Variants in FAF1 observed in about 807,000 individuals in gnomAD.
FAF1 encodes the protein Fas associated factor 1, also known as FAS-associated factor 1.
A neutral mutation model predicts 92.5 loss-of-function variants in FAF1; 25 were observed. The observed-to-expected ratio is 0.27, with a 90% CI of 0.20 to 0.38. FAF1 has a LOEUF of 0.38. Ranked by LOEUF, FAF1 falls within the 10% of genes least tolerant of loss-of-function variation. The probability of loss-of-function intolerance (pLI) is 1.00; values close to 1 mark genes in which losing one functional copy is unlikely to be tolerated. For missense variants in FAF1, 636 were observed against 793.3 expected (o/e 0.80, Z 2.38); for synonymous variants, 234 against 273.2 (o/e 0.86, Z 1.42).
chr1:50,871,370 T>C (rs1644526905), intron 1 of FAF1, among the ~76,000 whole-genome samples: 1 of 152,258 alleles, frequency 6.6e-6, no homozygotes, highest in Admixed American at 6.5e-5. Flanking sequence ...AACAGCCTTC[T>C]ATTGGAAGAA....
chr1:50,460,601 A>G (rs544065367), intron 18 of FAF1, among the ~76,000 whole-genome samples: 98 of 149,608 alleles, frequency 6.6e-4, no homozygotes, highest in South Asian at 1.9e-3. Context: ...ATGTATATAT[A>G]TGTGTGTGTG....
chr1:50,852,189 T>C (rs904869948), intron 2 of FAF1, among the ~76,000 whole-genome samples: 3 of 152,238 alleles, frequency 2.0e-5, no homozygotes, highest in Admixed American at 6.5e-5. Flanking sequence ...ACTAGTTAGA[T>C]ATCAAAACTA....
At chr1:50,694,389 T>A (rs940301612) in intron 7 of FAF1, among the ~76,000 whole-genome samples, 1 of 152,070 alleles carries the variant, frequency 6.6e-6, no homozygotes, top group African/African-American at 2.4e-5. Context: ...TTCAGCTACA[T>A]AACCTGTAAC....
At chr1:50,808,956 G>GCA (rs1333521099) in intron 2 of FAF1, among the ~76,000 whole-genome samples, 1 of 152,122 alleles carries the variant, frequency 6.6e-6, no homozygotes, top group Non-Finnish European at 1.5e-5. Context: ...AAATATATAT[G>GCA]CACCAAACAC....
chr1:50,758,228 A>G (rs993863089), intron 4 of FAF1, among the ~76,000 whole-genome samples: 1 of 152,104 alleles, frequency 6.6e-6, no homozygotes, highest in African/African-American at 2.4e-5. Context: ...TAACTTTTGT[A>G]TTTTTAGTAG....
intron 1 of FAF1, among the ~76,000 whole-genome samples, chr1:50,887,077 T>C (rs1644672104): frequency 6.6e-6 from 1 of 152,238 alleles, no homozygotes; most frequent in African/African-American, 2.4e-5. Flanking sequence ...CCATTCTAAC[T>C]GGTGTGAGAT....
intron 1 of FAF1, among the ~76,000 whole-genome samples, chr1:50,874,424 T>G (rs1644553113): frequency 6.6e-6 from 1 of 152,056 alleles, no homozygotes; most frequent in African/African-American, 2.4e-5. Flanking sequence ...TATAGTAGTG[T>G]GATCACAGCT....
intron 1 of FAF1, among the ~76,000 whole-genome samples, chr1:50,931,483 C>T (rs192395925): frequency 3.9e-5 from 6 of 152,160 alleles, no homozygotes; most frequent in African/African-American, 1.4e-4. Context: ...GCACTTCTTA[C>T]ATGGTGGCAG....
At chr1:50,673,674 A>C (rs941767953) in intron 7 of FAF1, among the ~76,000 whole-genome samples, 1 of 152,146 alleles carries the variant, frequency 6.6e-6, no homozygotes, top group Non-Finnish European at 1.5e-5. Context: ...TTGAAATCTG[A>C]AGAAGAAGGT....
intron 4 of FAF1, among the ~76,000 whole-genome samples, chr1:50,784,004 T>C (rs985649144): frequency 2.0e-5 from 3 of 152,188 alleles, no homozygotes; most frequent in Admixed American, 6.5e-5. Context: ...ATTTTCATAA[T>C]ACTGAACAAA....
intron 1 of FAF1, among the ~76,000 whole-genome samples, chr1:50,953,938 CA>C: frequency 8.9e-6 from 1 of 112,760 alleles, no homozygotes; most frequent in South Asian, 3.2e-4. Flanking sequence ...GAACTAAATT[CA>C]GAAAGAATAC....
At chr1:50,521,548 C>T (rs147188587) in intron 15 of FAF1, among the ~76,000 whole-genome samples, 1 of 152,202 alleles carries the variant, frequency 6.6e-6, no homozygotes, top group East Asian at 1.9e-4. Flanking sequence ...ACTAAGATGG[C>T]TACTTTTTAA....
intron 10 of FAF1, 45 bp downstream of exon 10, chr1:50,584,640 A>G: frequency 6.3e-7 from 1 of 1,590,660 alleles, no homozygotes; most frequent in Non-Finnish European, 8.6e-7. Context: ...TGTGTACTAG[A>G]AGAAAGAATT....
At position 50,541,778 on chromosome 1, in the gene FAF1, T is replaced by TA. The variant is rs200982335; in HGVS notation, c.1269-2051dup. Among the ~76,000 whole-genome samples, 812 of 148,886 alleles carry TA rather than the reference T, an allele frequency of 5.5e-3. 9 individuals are homozygous for TA. The highest frequency in any genetic ancestry group is 0.019 in the African/African-American group (769 of 40,508). ...AAGAAAGAGAGAGAGAGAAGAGAAA[T>TA]AAAAAAAAAGGGAAAAGCAGGCAAG... is the stretch of plus-strand genomic sequence containing the variant. On this transcript the variant is annotated intron_variant, in intron 13 of 18. Transcript: ENST00000396153.
At chr1:50,556,822 G>A (rs1466835401) in intron 13 of FAF1, among the ~76,000 whole-genome samples, 1 of 151,272 alleles carries the variant, frequency 6.6e-6, no homozygotes, top group Non-Finnish European at 1.5e-5. Flanking sequence ...GGGCACCAGA[G>A]CAAGACCCCT....
rs1044721132 is a variant in FAF1, at chr1:50,559,245, C to T, written c.1268+7832G>A. On this transcript the variant is annotated intron_variant, in intron 13 of 18. Coordinates refer to ENST00000396153, the MANE Select transcript of FAF1 (RefSeq NM_007051.3). ...CAGCCTAGGCAACAGAGCGAGACTC[C>T]GTCTCAAAAAAAAAAAAAAGGATAA... Among the ~76,000 whole-genome samples, 33 of 149,468 alleles carry T rather than the reference C, an allele frequency of 2.2e-4. No homozygotes were observed. In the East Asian group the frequency reaches 2.9e-3, roughly 13 times the overall value.
At chr1:50,905,517 C>T (rs540664678) in intron 1 of FAF1, among the ~76,000 whole-genome samples, 20 of 152,116 alleles carry the variant, frequency 1.3e-4, no homozygotes, top group Non-Finnish European at 2.5e-4. Context: ...TAAAAGTATT[C>T]CTATTTCTCC....
intron 17 of FAF1, among the ~76,000 whole-genome samples, chr1:50,480,263 A>G (rs1409011812): frequency 6.6e-6 from 1 of 152,220 alleles, no homozygotes; most frequent in Non-Finnish European, 1.5e-5. Context: ...AAAGACTGTC[A>G]CTACAAGGTT....
intron 3 of FAF1, among the ~76,000 whole-genome samples, chr1:50,790,055 CTAACTA>C (rs1661506763): frequency 6.6e-6 from 1 of 152,166 alleles, no homozygotes; most frequent in African/African-American, 2.4e-5. Flanking sequence ...TTCCACACTA[CTAACTA>C]TAAAGTTAGT....
Sources: gnomAD v4.1 joint callset for allele counts (sites outside exome capture counted in the v4.1 genomes callset) on GRCh38, gnomAD v4.1.1 for gene constraint, MANE v1.5 for transcripts, NCBI Gene and HGNC (gene_info 2026-07-23, HGNC 2026-07-21) for gene names.